Variants in CCDC82 observed in about 807,000 individuals in gnomAD.
CCDC82 encodes coiled-coil domain containing 82, also known as coiled-coil domain-containing protein 82.
A neutral mutation model predicts 60.6 loss-of-function variants in CCDC82; 47 were observed. The observed-to-expected ratio is 0.77, with a 90% CI of 0.61 to 0.99. CCDC82 has a LOEUF of 0.99. Ranked by LOEUF, CCDC82 falls within the 50% of genes least tolerant of loss-of-function variation. The pLI is 0.00. For missense variants in CCDC82, 588 were observed against 633.0 expected, an observed-to-expected ratio of 0.93 and a Z score of 0.76; for synonymous variants, 212 against 207.4, an observed-to-expected ratio of 1.02 and a Z score of -0.19.
chr11:96,369,929 C>G (rs1347472496), intron 7 of CCDC82, among the ~76,000 whole-genome samples: 2 of 152,120 alleles, frequency 1.3e-5, no homozygotes, highest in Non-Finnish European at 2.9e-5. Context: ...ACTTTATCTT[C>G]AAAGAAAATA....
intron 8 of CCDC82, 127 bp downstream of exon 8, chr11:96,364,853 G>T: frequency 1.4e-6 from 1 of 732,896 alleles, no homozygotes; most frequent in South Asian, 2.0e-5. Flanking sequence ...CTTGTGGGTT[G>T]CCAATTTGGT....
intron 6 of CCDC82, among the ~76,000 whole-genome samples, chr11:96,372,743 T>C (rs988315889): frequency 4.0e-4 from 59 of 145,894 alleles, no homozygotes; most frequent in Admixed American, 2.8e-3. Flanking sequence ...TATATAAATA[T>C]ACGTATATTT....
In CCDC82 at chr11:96,359,181, A is replaced by G; in HGVS notation, c.1381-3T>C. ...CAAATTCTGCCAACAGTGAACACCT[A>G]AATCAAGAAATAAAGATTGTTATCT... On this transcript the variant is annotated splice_polypyrimidine_tract_variant and splice_region_variant and intron_variant, in intron 8 of 9. Transcript: ENST00000646818. 3 of 1,554,108 alleles carry G rather than the reference A, an allele frequency of 1.9e-6. No homozygotes were observed. The highest frequency in any genetic ancestry group is 2.6e-6 in the Non-Finnish European group (3 of 1,159,790).
intron 7 of CCDC82, among the ~76,000 whole-genome samples, chr11:96,366,500 C>T (rs1003060352): frequency 6.6e-6 from 1 of 152,164 alleles, no homozygotes; most frequent in Admixed American, 6.5e-5. Context: ...GTCTGAGACT[C>T]TGGGTTTAAT....
intron 9 of CCDC82, chr11:96,358,428 T>C (rs1864457052): frequency 5.7e-6 from 7 of 1,228,566 alleles, no homozygotes; most frequent in East Asian, 3.2e-5. Context: ...TAGTGATCAA[T>C]AGGATATGGG....
At chr11:96,365,780 C>T (rs1864913491) in intron 7 of CCDC82, among the ~76,000 whole-genome samples, 1 of 152,172 alleles carries the variant, frequency 6.6e-6, no homozygotes, top group Admixed American at 6.5e-5. Context: ...TATGAAGTTA[C>T]TTGTGCCTGA....
chr11:96,373,608 C>T (rs1055358490), intron 5 of CCDC82, 141 bp from the exon 6 acceptor site: 12 of 511,324 alleles, frequency 2.3e-5, no homozygotes, highest in Middle Eastern at 5.1e-4. Context: ...ATAGCTTCCT[C>T]GATGACTTGT....
intron 5 of CCDC82, among the ~76,000 whole-genome samples, chr11:96,377,359 C>A (rs962368637): frequency 6.8e-6 from 1 of 147,684 alleles, no homozygotes. Flanking sequence ...GTACATAATA[C>A]ACACACACAC....
chr11:96,356,871 C>T, intron 9 of CCDC82: 2 of 985,214 alleles, frequency 2.0e-6, no homozygotes, highest in Non-Finnish European at 2.4e-6. Flanking sequence ...GCTGAAGAAG[C>T]AGGTAAGGGA....
rs746235740 is a variant in CCDC82 at position 96,383,955 on chromosome 11, A to C, written c.786+7T>G. On this transcript the variant is annotated splice_region_variant and intron_variant, in intron 4 of 9. Transcript: ENST00000646818. ...AACAATAACAAATCCAACAAAATAT[A>C]ACACACCTCAAAATCTCTACCACTA... 6.3e-7 allele frequency: 1 copy of C among 1,591,666 alleles called. No individual in the cohort carries two copies. Among genetic ancestry groups the C allele is most frequent in the South Asian group, 1.2e-5 (1 of 86,136 alleles).
At chr11:96,387,737 A>G (rs1866278296) in intron 1 of CCDC82, 124 bp from the exon 2 acceptor site, 1 of 152,254 alleles carries the variant, frequency 6.6e-6, no homozygotes, top group Non-Finnish European at 1.5e-5. Context: ...TAGAGTTTAC[A>G]AATATGCTTT....
intron 5 of CCDC82, among the ~76,000 whole-genome samples, chr11:96,376,897 C>T (rs889757677): frequency 6.6e-5 from 10 of 152,086 alleles, no homozygotes; most frequent in African/African-American, 2.4e-4. Context: ...TTACCAATTT[C>T]AAAATAGTCA....
chr11:96,374,101 T>G (rs1020747755), intron 5 of CCDC82, among the ~76,000 whole-genome samples: 2 of 152,336 alleles, frequency 1.3e-5, no homozygotes, highest in East Asian at 3.9e-4. Context: ...ATTCCTACTA[T>G]TCTCATTACT....
chr11:96,358,217 G>A (rs1864445396), intron 9 of CCDC82: 1 of 1,019,784 alleles, frequency 9.8e-7, no homozygotes, highest in Non-Finnish European at 1.2e-6. Context: ...AGAGTTGCCT[G>A]AAAATCTACT....
Position 96,384,535 on chromosome 11 carries a change from C to T in CCDC82, c.213G>A (p.Lys71=). Residue 71 remains lysine, a synonymous_variant, in exon 4 of 10, where the codon AAG becomes AAA. Transcript: ENST00000646818. ...CTGGTGTTTTATTACAATCAGGTCCCTTGTTACTATCAAGCTCTTCATCAT... is the reference window on the plus strand; with the variant it reads ...CTGGTGTTTTATTACAATCAGGTCCTTTGTTACTATCAAGCTCTTCATCAT... The part of the protein sequence containing the change: ...FENDEELDSN[K]GPDCNKTPGS... The T allele has an allele frequency of 6.2e-7, 1 of 1,613,624 alleles. No homozygotes were observed. The highest frequency in any genetic ancestry group is 1.3e-5 in the African/African-American group (1 of 75,012).
intron 4 of CCDC82, 36 bp from the exon 5 acceptor site, chr11:96,383,509 G>T: frequency 1.5e-6 from 2 of 1,360,034 alleles, no homozygotes; most frequent in Non-Finnish European, 2.0e-6. Context: ...AGTAAATGGT[G>T]CTATTAAAAC....
intron 8 of CCDC82, among the ~76,000 whole-genome samples, chr11:96,360,662 T>TA (rs368543438): frequency 2.6e-4 from 39 of 152,318 alleles, no homozygotes; most frequent in African/African-American, 8.2e-4. Flanking sequence ...ACTAATGGGT[T>TA]ATGCTTTCAT....
At chr11:96,357,906 A>G (rs1864428990) in intron 9 of CCDC82, 2 of 985,430 alleles carry the variant, frequency 2.0e-6, no homozygotes, top group Non-Finnish European at 2.4e-6. Flanking sequence ...TGAAAAGAAT[A>G]AAATGAGAGA....
chr11:96,381,362 C>G (rs1865870646), intron 5 of CCDC82: 1 of 151,692 alleles, frequency 6.6e-6, no homozygotes, highest in Admixed American at 6.6e-5. Context: ...TAACTGGCAT[C>G]TCTATAACTG....
Sources: gnomAD v4.1 joint callset for allele counts (sites outside exome capture counted in the v4.1 genomes callset) on GRCh38, gnomAD v4.1.1 for gene constraint, MANE v1.5 for transcripts, NCBI Gene and HGNC (gene_info 2026-07-23, HGNC 2026-07-21) for gene names.